DPYS: variants seen among roughly 807,000 people sequenced by gnomAD.
DPYS encodes dihydropyrimidinase, also known as dihydropyrimidine amidohydrolase.
A neutral mutation model predicts 50.3 loss-of-function variants in DPYS; 39 were observed. The ratio of observed to expected loss-of-function variants is 0.78; its 90% CI spans 0.60 to 1.01. DPYS has a LOEUF of 1.01. Among genes scored for constraint, DPYS ranks in the 50% least tolerant of loss-of-function variants. The pLI, the probability that DPYS is intolerant of heterozygous loss-of-function variation, is 0.00. For missense variants in DPYS, 659 were observed against 680.9 expected, an observed-to-expected ratio of 0.97 and a Z score of 0.36; for synonymous variants, 245 against 250.7, an observed-to-expected ratio of 0.98 and a Z score of 0.22.
At chr8:104,382,118 G>A (rs961445587) in intron 8 of DPYS, among the ~76,000 whole-genome samples, 1 of 152,136 alleles carries the variant, frequency 6.6e-6, no homozygotes, top group Non-Finnish European at 1.5e-5. Flanking sequence ...AATTTCCAGA[G>A]CCAAAGCATT....
At chr8:104,438,088 A>T (rs969541454) in intron 4 of DPYS, among the ~76,000 whole-genome samples, 1 of 152,222 alleles carries the variant, frequency 6.6e-6, no homozygotes, top group African/African-American at 2.4e-5. Flanking sequence ...TTCCTTAAAA[A>T]TTACCTGAAA....
At chr8:104,406,828 CACACACACACAT>C (rs938650295) in intron 7 of DPYS, among the ~76,000 whole-genome samples, 1 of 152,192 alleles carries the variant, frequency 6.6e-6, no homozygotes, top group South Asian at 2.1e-4. Context: ...TGTATAAACA[CACACACACACAT>C]ACACACACAC....
intron 7 of DPYS, among the ~76,000 whole-genome samples, chr8:104,417,728 G>T (rs2140598034): frequency 6.6e-6 from 1 of 152,312 alleles, no homozygotes; most frequent in Non-Finnish European, 1.5e-5. Flanking sequence ...AATGCAGTTT[G>T]TTCTTTATTG....
chr8:104,447,609 G>A, intron 2 of DPYS, 106 bp from the exon 3 acceptor site: 1 of 1,315,644 alleles, frequency 7.6e-7, no homozygotes, highest in Non-Finnish European at 1.1e-6. Flanking sequence ...GTAAAATAAG[G>A]AAAATAAGGA....
rs2140718940 is a variant in DPYS, at chr8:104,447,364, A to G, written c.563T>C (p.Ile188Thr). Residue 188 changes from isoleucine (I) to threonine (T), a missense_variant, in exon 3 of 10, where the codon ATT (isoleucine) becomes ACT (threonine). Transcript: ENST00000351513. Reference protein sequence around the residue: ...AFSRCKEIGAIAQVHAENGDL... With the variant: ...AFSRCKEIGATAQVHAENGDL... Reference sequence around the variant, plus strand: ...TCCATTTTCCGCATGGACCTGGGCAATTGCTCCAATTTCCTTGCACCGAGA... The same window carrying G: ...TCCATTTTCCGCATGGACCTGGGCAGTTGCTCCAATTTCCTTGCACCGAGA... 1.9e-6 allele frequency: 3 copies of G among 1,614,074 alleles called. No homozygotes were observed. Among genetic ancestry groups the G allele is most frequent in the South Asian group, 1.1e-5 (1 of 91,050 alleles).
intron 1 of DPYS, among the ~76,000 whole-genome samples, chr8:104,458,297 T>G (rs1481439721): frequency 2.0e-5 from 3 of 152,174 alleles, no homozygotes; most frequent in Non-Finnish European, 4.4e-5. Flanking sequence ...GACCTGAACT[T>G]TAGCTTTCTC....
chr8:104,450,039 A>C (rs1323177882), intron 2 of DPYS, among the ~76,000 whole-genome samples: 1 of 152,102 alleles, frequency 6.6e-6, no homozygotes, highest in Non-Finnish European at 1.5e-5. Context: ...AAGTGTGAGA[A>C]GCACTGATAA....
chr8:104,463,720 A>C (rs2140782150), intron 1 of DPYS, among the ~76,000 whole-genome samples: 1 of 152,350 alleles, frequency 6.6e-6, no homozygotes, highest in Non-Finnish European at 1.5e-5. Context: ...TATAATAGGA[A>C]GATGTTTTTC....
chr8:104,388,781 C>T (rs1029536542), intron 8 of DPYS, among the ~76,000 whole-genome samples: 4 of 152,156 alleles, frequency 2.6e-5, no homozygotes, highest in African/African-American at 4.8e-5. Flanking sequence ...CAGATAAAAA[C>T]GTCTTCTCTT....
chr8:104,443,045 G>A (rs1458398989), intron 4 of DPYS, among the ~76,000 whole-genome samples: 1 of 152,106 alleles, frequency 6.6e-6, no homozygotes, highest in Admixed American at 6.5e-5. Flanking sequence ...AACAGAGTGA[G>A]ACCCATTATT....
intron 7 of DPYS, chr8:104,420,621 AGAGT>A (rs1812508729): frequency 6.6e-6 from 1 of 151,710 alleles, no homozygotes; most frequent in Non-Finnish European, 1.5e-5. Flanking sequence ...AGCAAGATAT[AGAGT>A]AAGTCAAATA....
intron 1 of DPYS, among the ~76,000 whole-genome samples, chr8:104,452,375 G>A (rs991132090): frequency 5.9e-5 from 9 of 152,178 alleles, no homozygotes; most frequent in East Asian, 5.8e-4. Flanking sequence ...CTTAGACCAC[G>A]GACCTGGGAG....
At chr8:104,388,676 T>C (rs1811291140) in intron 8 of DPYS, among the ~76,000 whole-genome samples, 1 of 152,188 alleles carries the variant, frequency 6.6e-6, no homozygotes, top group Non-Finnish European at 1.5e-5. Flanking sequence ...TCAAATAAAG[T>C]TTGATGGCTT....
rs771149650 is a variant in DPYS at position 104,424,389 on chromosome 8, G to A, written c.1093C>T (p.His365Tyr). The A allele has an allele frequency of 4.3e-6, 7 of 1,613,486 alleles. No individual in the cohort carries two copies. The East Asian group carries it at 1.3e-4, about 31-fold the overall frequency. Reference protein sequence around the residue: ...RMSVIWEKGVHSGKMDENRFV... With the variant: ...RMSVIWEKGVYSGKMDENRFV... ...CTGTTTTCATCCATTTTACCACTAT[G>A]CTGTAAAGCAATTCAAAGAATCATT... Residue 365 changes from histidine (H) to tyrosine (Y), a missense_variant and splice_region_variant, in exon 7 of 10, where the codon CAT becomes TAT. Transcript: ENST00000351513.
chr8:104,404,962 C>A (rs1369671817), intron 7 of DPYS, among the ~76,000 whole-genome samples: 1 of 149,566 alleles, frequency 6.7e-6, no homozygotes, highest in East Asian at 2.1e-4. Flanking sequence ...CAAAAAGCAA[C>A]AATAACAACA....
chr8:104,429,502 T>G, intron 5 of DPYS, 43 bp downstream of exon 5: 2 of 1,613,438 alleles, frequency 1.2e-6, no homozygotes, highest in Non-Finnish European at 1.7e-6. Context: ...TACCCAAACC[T>G]TCTTTTGGCA....
At chr8:104,402,312 C>A (rs139046847) in intron 7 of DPYS, among the ~76,000 whole-genome samples, 1 of 152,066 alleles carries the variant, frequency 6.6e-6, no homozygotes, top group Non-Finnish European at 1.5e-5. Flanking sequence ...TTGTTCTATA[C>A]GGTAGTTTTT....
intron 8 of DPYS, among the ~76,000 whole-genome samples, chr8:104,391,241 CT>C (rs757222609): frequency 5.9e-5 from 9 of 151,920 alleles, no homozygotes; most frequent in Non-Finnish European, 7.4e-5. Context: ...ACCAAAGCCT[CT>C]ACAAGATCCA....
At chr8:104,441,386 A>C (rs1314663866) in intron 4 of DPYS, among the ~76,000 whole-genome samples, 5 of 152,200 alleles carry the variant, frequency 3.3e-5, no homozygotes, top group Non-Finnish European at 7.4e-5. Flanking sequence ...AGATGTCCAC[A>C]TCTTAATCCC....
Sources: allele counts gnomAD v4.1 joint callset (sites outside exome capture counted in the v4.1 genomes callset), GRCh38; gene constraint gnomAD v4.1.1; transcripts MANE v1.5; gene names NCBI Gene and HGNC (gene_info 2026-07-23, HGNC 2026-07-21).